Variants in DLC1 observed in about 807,000 individuals in gnomAD.
The protein encoded by DLC1 is rho GTPase-activating protein 7.
In DLC1, 54 loss-of-function variants were observed where a neutral mutation model predicts 140.3. That is an observed-to-expected ratio of 0.38 (90% CI 0.31 to 0.48). The LOEUF is 0.48. Among genes scored for constraint, DLC1 ranks in the 20% least tolerant of loss-of-function variants. The pLI is 0.96. For synonymous variants in DLC1, 986 were observed against 728.1 expected, an observed-to-expected ratio of 1.35 and a Z score of -5.70; for missense variants, 2,536 against 1,907.0, an observed-to-expected ratio of 1.33 and a Z score of -6.14.
chr8:13,557,699 T>C (rs1016155115), intron 1 of DLC1: 2 of 152,472 alleles, frequency 1.3e-5, no homozygotes, highest in Non-Finnish European at 2.9e-5. Context: ...ATTATAAGTT[T>C]CCTGAGGCCT....
intron 3 of DLC1, among the ~76,000 whole-genome samples, chr8:13,396,942 C>A (rs191098495): frequency 3.9e-5 from 6 of 151,948 alleles, no homozygotes; most frequent in South Asian, 2.1e-4. Flanking sequence ...TGTTACCCGC[C>A]CCCCCCAACC....
intron 5 of DLC1, among the ~76,000 whole-genome samples, chr8:13,196,710 A>C (rs1827080949): frequency 6.6e-6 from 1 of 152,236 alleles, no homozygotes; most frequent in Non-Finnish European, 1.5e-5. Context: ...TTCGGGGCTA[A>C]GAGAACATCT....
At chr8:13,383,269 C>G (rs1256897220) in intron 4 of DLC1, among the ~76,000 whole-genome samples, 1 of 152,188 alleles carries the variant, frequency 6.6e-6, no homozygotes, top group African/African-American at 2.4e-5. Context: ...ACCAGTGACA[C>G]TTACGTGCCT....
intron 5 of DLC1, among the ~76,000 whole-genome samples, chr8:13,240,828 T>C (rs1225450133): frequency 6.6e-6 from 1 of 152,210 alleles, no homozygotes; most frequent in African/African-American, 2.4e-5. Context: ...TAATTAGAAA[T>C]ATCTTTGCTC....
At chr8:13,585,133 G>C (rs943502365) in intron 1 of DLC1, among the ~76,000 whole-genome samples, 1 of 152,174 alleles carries the variant, frequency 6.6e-6, no homozygotes, top group Non-Finnish European at 1.5e-5. Flanking sequence ...TAACAAATAT[G>C]TGTAATACAA....
At chr8:13,187,595 C>T (rs1440417379) in intron 5 of DLC1, among the ~76,000 whole-genome samples, 3 of 152,144 alleles carry the variant, frequency 2.0e-5, no homozygotes, top group Admixed American at 6.5e-5. Flanking sequence ...GAGAAAGACA[C>T]TTAGCCAATA....
intron 4 of DLC1, among the ~76,000 whole-genome samples, chr8:13,365,592 T>A (rs189117358): frequency 6.6e-6 from 1 of 152,196 alleles, no homozygotes; most frequent in Admixed American, 6.6e-5. Flanking sequence ...TCCACCTTGC[T>A]TAATGAAGCA....
chr8:13,172,942 C>T (rs993928172), intron 5 of DLC1, among the ~76,000 whole-genome samples: 1 of 152,128 alleles, frequency 6.6e-6, no homozygotes. Flanking sequence ...GATTACAGAC[C>T]CTTACTGGGT....
intron 1 of DLC1, among the ~76,000 whole-genome samples, chr8:13,562,885 T>C (rs977764722): frequency 6.6e-6 from 1 of 150,750 alleles, no homozygotes; most frequent in Non-Finnish European, 1.5e-5. Context: ...TAAAGTGGTA[T>C]CTAGAATATA....
chr8:13,402,663 T>C (rs1170260834), intron 2 of DLC1, among the ~76,000 whole-genome samples: 1 of 152,228 alleles, frequency 6.6e-6, no homozygotes, highest in Non-Finnish European at 1.5e-5. Flanking sequence ...AAATACATCT[T>C]GACAGAAGCC....
Position 13,099,916 on chromosome 8 carries a change from G to A in DLC1, c.2421C>T (p.Phe807=). The change falls in exon 9 of 18, where the codon TTC becomes TTT. Residue 807 remains phenylalanine (F), a synonymous_variant. Coordinates refer to ENST00000276297, the MANE Select transcript of DLC1 (RefSeq NM_182643.3). ...NRESYPEDTV[F]YIPEDHKPGT... is the part of the protein sequence containing the mutation. ...CAGGCTTGTGATCTTCAGGGATGTA[G>A]AACACCGTGTCCTCTGGGTAGCTCT... The A allele has an allele frequency of 5.6e-6, 9 of 1,614,066 alleles. No individual in the cohort carries two copies. The highest frequency in any genetic ancestry group is 7.6e-6 in the Non-Finnish European group (9 of 1,180,042).
Position 13,088,067 on chromosome 8 carries a change from T to C in DLC1, c.4292+420A>G, listed in dbSNP as rs149356801. On this transcript the variant is annotated intron_variant, in intron 16 of 17. Transcript: ENST00000276297. ...CATATTTGAAGGTGTTCACTACTTT[T>C]CTGGAAGCATATGTTTTGTTTTGTT... Among the ~76,000 whole-genome samples the C allele has an allele frequency of 6.6e-4, 100 of 152,310 alleles. 1 individual carries two copies. The highest frequency in any genetic ancestry group is 2.3e-3 in the African/African-American group (94 of 41,580).
chr8:13,283,302 A>G (rs1831429298), intron 5 of DLC1, among the ~76,000 whole-genome samples: 2 of 151,362 alleles, frequency 1.3e-5, no homozygotes, highest in Admixed American at 6.6e-5. Flanking sequence ...AAACACACAC[A>G]CACACACACA....
intron 2 of DLC1, among the ~76,000 whole-genome samples, chr8:13,414,390 C>A (rs1051050504): frequency 6.6e-6 from 1 of 152,266 alleles, no homozygotes; most frequent in African/African-American, 2.4e-5. Context: ...TTGTTGAGAA[C>A]TTGGTGATGA....
chr8:13,420,720 G>A (rs547674229), intron 2 of DLC1, among the ~76,000 whole-genome samples: 4 of 152,034 alleles, frequency 2.6e-5, no homozygotes, highest in Non-Finnish European at 5.9e-5. Flanking sequence ...CCATGTCCCT[G>A]CAAATCACAT....
At chr8:13,273,975 A>G (rs1172330083) in intron 5 of DLC1, among the ~76,000 whole-genome samples, 1 of 152,212 alleles carries the variant, frequency 6.6e-6, no homozygotes, top group Non-Finnish European at 1.5e-5. Flanking sequence ...CCAGAGACTT[A>G]AAAAACACTT....
chr8:13,452,587 T>A (rs775548701), intron 2 of DLC1, among the ~76,000 whole-genome samples: 7 of 152,214 alleles, frequency 4.6e-5, no homozygotes, highest in Non-Finnish European at 1.0e-4. Flanking sequence ...AAGTATTGCT[T>A]TGTTTTCTGA....
intron 5 of DLC1, among the ~76,000 whole-genome samples, chr8:13,260,965 G>C (rs1830449331): frequency 6.6e-6 from 1 of 152,076 alleles, no homozygotes. Context: ...CTTGCATTTG[G>C]CAATCTGTGT....
intron 4 of DLC1, among the ~76,000 whole-genome samples, chr8:13,318,700 C>A (rs1296684565): frequency 6.6e-6 from 1 of 152,168 alleles, no homozygotes; most frequent in Non-Finnish European, 1.5e-5. Context: ...CACTGATCAT[C>A]CTTGAGATGC....
Sources: allele counts gnomAD v4.1 joint callset (sites outside exome capture counted in the v4.1 genomes callset), GRCh38; gene constraint gnomAD v4.1.1; transcripts MANE v1.5; gene names NCBI Gene and HGNC (gene_info 2026-07-23, HGNC 2026-07-21).